The following FAS variants were observed in gnomAD, a reference collection of about 807,000 sequenced individuals.
FAS encodes the protein Fas cell surface death receptor.
A neutral mutation model predicts 33.2 loss-of-function variants in FAS; 5 were observed. The ratio of observed to expected loss-of-function variants is 0.15; its 90% CI spans 0.08 to 0.32. FAS has a LOEUF of 0.32. Among genes scored for constraint, FAS ranks in the 10% least tolerant of loss-of-function variants. The pLI is 1.00. For missense variants in FAS, 339 were observed against 386.0 expected (o/e 0.88, Z 1.02); for synonymous variants, 131 against 130.7 (o/e 1.00, Z -0.01).
At chr10:88,970,270 A>G (rs1390499167) in intron 1 of FAS, among the ~76,000 whole-genome samples, 1 of 152,076 alleles carries the variant, frequency 6.6e-6, no homozygotes, top group Admixed American at 6.6e-5. Context: ...CAGCTCTTCA[A>G]TCTCTCCCTT....
At chr10:88,984,580 A>C (rs1846818548), upstream of FAS, among the ~76,000 whole-genome samples, 1 of 152,082 alleles carries the variant, frequency 6.6e-6, no homozygotes, top group Non-Finnish European at 1.5e-5. Context: ...AACTGGTTCA[A>C]TATTGTGTTG....
intron 2 of FAS, 80 bp from the exon 3 acceptor site, chr10:89,007,620 G>C: frequency 7.2e-7 from 1 of 1,386,306 alleles, no homozygotes; most frequent in Non-Finnish European, 1.0e-6. Context: ...GAGTTTTATT[G>C]TCTGTCATCC....
At chr10:89,008,660 A>G (rs1315701136) in intron 3 of FAS, among the ~76,000 whole-genome samples, 1 of 152,116 alleles carries the variant, frequency 6.6e-6, no homozygotes, top group Non-Finnish European at 1.5e-5. Flanking sequence ...AACAGGGGAG[A>G]CGTCTAAGTA....
chr10:88,965,110 T>C (rs1846297818), intron 1 of FAS, among the ~76,000 whole-genome samples: 1 of 152,182 alleles, frequency 6.6e-6, no homozygotes, highest in Non-Finnish European at 1.5e-5. Flanking sequence ...GCAAACCTTC[T>C]TAGATGCATT....
At chr10:88,989,518 G>C (rs1229631309), upstream of FAS, 1 of 544,060 alleles carries the variant, frequency 1.8e-6, no homozygotes, top group Non-Finnish European at 3.6e-6. Flanking sequence ...CTTCCTCATG[G>C]CACTAACAGT....
chr10:89,013,464 T>A, intron 8 of FAS, 97 bp downstream of exon 8: 1 of 1,165,556 alleles, frequency 8.6e-7, no homozygotes, highest in Non-Finnish European at 1.3e-6. Context: ...AGTGACATAT[T>A]ATGGGATCTT....
chr10:88,969,503 G>A (rs1168018425), intron 1 of FAS, among the ~76,000 whole-genome samples: 2 of 152,168 alleles, frequency 1.3e-5, no homozygotes, highest in Non-Finnish European at 2.9e-5. Flanking sequence ...AGAGCTTTAG[G>A]CTCCATCTGT....
At chr10:88,998,938 G>A (rs1292455571) in intron 1 of FAS, among the ~76,000 whole-genome samples, 1 of 151,936 alleles carries the variant, frequency 6.6e-6, no homozygotes, top group Non-Finnish European at 1.5e-5. Context: ...GGCGGATCAC[G>A]GGGTCGAGAG....
At chr10:88,971,002 T>C (rs146080821) in intron 1 of FAS, among the ~76,000 whole-genome samples, 342 of 152,164 alleles carry the variant, frequency 2.2e-3, no homozygotes, top group African/African-American at 8.0e-3. Context: ...CCAAAGGCAA[T>C]AAATAAAATA....
chr10:88,984,260 A>G (rs745831910), upstream of FAS, among the ~76,000 whole-genome samples: 23 of 152,206 alleles, frequency 1.5e-4, no homozygotes, highest in Non-Finnish European at 3.1e-4. Context: ...TGCTGGAAGG[A>G]GTCAAGCTAA....
At chr10:88,988,633 C>A (rs1050288330), upstream of FAS, among the ~76,000 whole-genome samples, 1 of 151,950 alleles carries the variant, frequency 6.6e-6, no homozygotes, top group Non-Finnish European at 1.5e-5. Context: ...AATTTTATTT[C>A]TTTGCCCTTG....
Position 89,016,871 on chromosome 10 carries a change from TCAGA to T in FAS, c.*2424_*2427del, listed in dbSNP as rs1301898412. The T allele has an allele frequency of 2.0e-5, 4 of 200,788 alleles. No homozygotes were observed. The highest frequency in any genetic ancestry group is 9.2e-5 in the African/African-American group (4 of 43,518). The allele number at this position is 200,788 out of a possible 1,614,324, so 12.4% of individuals were successfully genotyped here. ...CAGGGTCTTCTGACCTCTGATTAGATCAGACACTTTTTAGATATTGAATCATCAG... is the reference window on the plus strand; with the variant it reads ...CAGGGTCTTCTGACCTCTGATTAGATCACTTTTTAGATATTGAATCATCAG... On this transcript the variant is annotated 3_prime_UTR_variant, in exon 9 of 9. Transcript: ENST00000652046.
intron 7 of FAS, chr10:89,012,637 G>A: frequency 6.3e-6 from 1 of 157,540 alleles, no homozygotes; most frequent in African/African-American, 2.4e-5. Context: ...CTGAAAATGA[G>A]CTGAAAAAAG....
upstream of FAS, among the ~76,000 whole-genome samples, chr10:88,988,548 T>A (rs925930050): frequency 6.6e-5 from 10 of 152,114 alleles, no homozygotes; most frequent in Non-Finnish European, 5.9e-5. Flanking sequence ...TTAACTTATA[T>A]GGTATGGTTT....
chr10:88,980,570 G>A (rs1001879983), intron 2 of FAS, among the ~76,000 whole-genome samples: 7 of 152,184 alleles, frequency 4.6e-5, no homozygotes, highest in African/African-American at 1.7e-4. Context: ...CCTGCCTACT[G>A]CTATTCCCTG....
chr10:88,966,640 A>T (rs760408409), intron 1 of FAS, among the ~76,000 whole-genome samples: 2 of 152,172 alleles, frequency 1.3e-5, no homozygotes, highest in Non-Finnish European at 2.9e-5. Flanking sequence ...TGTCCCGGGA[A>T]CCATGATCTC....
At chr10:88,991,944 T>G (rs897215852) in intron 1 of FAS, among the ~76,000 whole-genome samples, 19 of 152,168 alleles carry the variant, frequency 1.2e-4, no homozygotes, top group Non-Finnish European at 4.4e-5. Flanking sequence ...CCCAACAAAG[T>G]GCCAGGCATA....
At position 88,991,401 on chromosome 10, in the gene FAS, C is replaced by T. The variant is rs1268040062; in HGVS notation, c.30+495C>T. 9 of 271,310 alleles carry T rather than the reference C, an allele frequency of 3.3e-5. No individual in the cohort carries two copies. In the Admixed American group the frequency reaches 3.5e-4, roughly 11 times the overall value. The allele number at this position is 271,310 out of a possible 1,614,324, so 16.8% of individuals were successfully genotyped here. A position where few individuals can be genotyped will look rare whatever the true frequency, so the allele number is the denominator to read the frequency against. ...CGGGGGCGGGGAGAGAGCCTGCAGC[C>T]TTCAGAACAGATATTGCTCATTTTC... On this transcript the variant is annotated intron_variant, in intron 1 of 8. Transcript: ENST00000652046.
chr10:88,981,811 T>A (rs1846720516), upstream of FAS, among the ~76,000 whole-genome samples: 1 of 152,140 alleles, frequency 6.6e-6, no homozygotes, highest in African/African-American at 2.4e-5. Flanking sequence ...GGGCTTTCCA[T>A]GAAAAACAGC....
Sources: allele counts gnomAD v4.1 joint callset (sites outside exome capture counted in the v4.1 genomes callset), GRCh38; gene constraint gnomAD v4.1.1; transcripts MANE v1.5; gene names NCBI Gene and HGNC (gene_info 2026-07-23, HGNC 2026-07-21).